Variants in QPCT observed in about 807,000 individuals in gnomAD.
The protein encoded by QPCT is glutaminyl-peptide cyclotransferase, also known as EC.
A neutral mutation model predicts 43.4 loss-of-function variants in QPCT; 44 were observed. That is an observed-to-expected ratio of 1.01 (90% CI 0.80 to 1.30). The LOEUF (loss-of-function observed/expected upper bound fraction) is 1.30, where lower values mean the gene tolerates loss of function less well. Ranked by LOEUF, QPCT falls within the 50% of genes most tolerant of loss-of-function variation. QPCT has a pLI of 0.00. For missense variants in QPCT, 526 were observed against 436.5 expected (o/e 1.21, Z -1.83); for synonymous variants, 168 against 168.4 (o/e 1.00, Z 0.02).
At chr2:37,351,514 G>C (rs1334971049) in intron 1 of QPCT, among the ~76,000 whole-genome samples, 4 of 152,188 alleles carry the variant, frequency 2.6e-5, no homozygotes, top group Non-Finnish European at 2.9e-5. Context: ...CTACTATTTA[G>C]TTGGCTATAG....
In QPCT at chr2:37,352,753, A is replaced by G. The variant is rs1391232543; in HGVS notation, c.121-36A>G. ...GTCAGAGTCTTAAACATGTTATGAA[A>G]GGATAGCTAGTTAAATGATTTCATT... On this transcript the variant is annotated intron_variant, in intron 1 of 6. Coordinates refer to ENST00000338415, the MANE Select transcript of QPCT (RefSeq NM_012413.4). The G allele has an allele frequency of 5.6e-6, 9 of 1,605,212 alleles. No homozygotes were observed. The South Asian group carries it at 9.9e-5, about 18-fold the overall frequency.
intron 1 of QPCT, among the ~76,000 whole-genome samples, chr2:37,347,211 TATATAAC>T (rs1480055917): frequency 5.4e-5 from 5 of 93,430 alleles, no homozygotes; most frequent in African/African-American, 1.9e-4. Flanking sequence ...ATATAACATA[TATATAAC>T]ATATATATAT....
Position 37,372,896 on chromosome 2 carries a change from A to G in QPCT, c.*69A>G. 1 of 1,382,914 alleles carries G rather than the reference A, an allele frequency of 7.2e-7. No homozygotes were observed. Among genetic ancestry groups the G allele is most frequent in the Non-Finnish European group, 9.9e-7 (1 of 1,012,424 alleles). 85.7% of individuals were successfully genotyped at this position (1,382,914 alleles called of 1,614,324 possible). On this transcript the variant is annotated 3_prime_UTR_variant, in exon 7 of 7. Transcript: ENST00000338415. ...AAAAGTCAAGGCATCATTTAAAATA[A>G]TCTGATTTCAGACAAATGCTGTGTG...
intron 4 of QPCT, among the ~76,000 whole-genome samples, chr2:37,367,634 G>A (rs1672987955): frequency 6.6e-6 from 1 of 152,188 alleles, no homozygotes; most frequent in Admixed American, 6.5e-5. Flanking sequence ...CATTTTGGGA[G>A]GTTGAGGTGG....
chr2:37,347,144 T>TTTTATATATATATATA lies in QPCT; in HGVS notation c.120+2294_120+2295insTTATATATATATATAT, dbSNP rs1389307350. Among the ~76,000 whole-genome samples the TTTTATATATATATATA allele has an allele frequency of 1.6e-4, 9 of 55,326 alleles. 1 individual carries two copies. The South Asian group carries it at 1.8e-3, about 11-fold the overall frequency. 36.3% of individuals were successfully genotyped at this position (55,326 alleles called of 152,430 possible). ...CATTGGCATCTGGGTATGGGGTGTT[T>TTTTATATATATATATA]TATATATATATATATATATAACATA... is the stretch of plus-strand genomic sequence containing the variant. On this transcript the variant is annotated intron_variant, in intron 1 of 6. Transcript: ENST00000338415.
At chr2:37,353,020 T>C in intron 2 of QPCT, 85 bp downstream of exon 2, 1 of 1,450,556 alleles carries the variant, frequency 6.9e-7, no homozygotes, top group Non-Finnish European at 9.2e-7. Flanking sequence ...AGTTCTGAGG[T>C]GTCTAATATT....
rs1423290793 is a variant in QPCT at position 37,344,708 on chromosome 2, C to G, written c.-24C>G. The G allele has an allele frequency of 2.5e-6, 4 of 1,587,014 alleles. No individual in the cohort carries two copies. The African/African-American group carries it at 5.4e-5, about 22-fold the overall frequency. ...CGTGACCGCCAGCGGCCCGGGGAAC[C>G]CGCTCCCAGACAGACTCGGAGAGAT... On this transcript the variant is annotated 5_prime_UTR_variant, in exon 1 of 7. Transcript: ENST00000338415.
chr2:37,359,938 A>G (rs1309240664), intron 3 of QPCT, 80 bp downstream of exon 3: 2 of 1,403,492 alleles, frequency 1.4e-6, no homozygotes, highest in Non-Finnish European at 2.0e-6. Flanking sequence ...TCCTTGGAGG[A>G]ATGAGAAGGC....
chr2:37,359,923 TA>T, intron 3 of QPCT, 65 bp downstream of exon 3: 1 of 1,512,514 alleles, frequency 6.6e-7, no homozygotes, highest in Non-Finnish European at 9.0e-7. Flanking sequence ...GAGTGAATTC[TA>T]GAATCCTTGG....
chr2:37,350,073 C>T (rs1672586182), intron 1 of QPCT, among the ~76,000 whole-genome samples: 1 of 152,086 alleles, frequency 6.6e-6, no homozygotes, highest in South Asian at 2.1e-4. Flanking sequence ...CAAGTAAACA[C>T]ACAAAGAAGT....
At chr2:37,366,743 G>A (rs970014983) in intron 3 of QPCT, among the ~76,000 whole-genome samples, 2 of 152,182 alleles carry the variant, frequency 1.3e-5, no homozygotes, top group Admixed American at 6.5e-5. Flanking sequence ...GTTCAACAAC[G>A]GCCTCAGCCA....
rs898313357 is a variant in QPCT at position 37,359,664 on chromosome 2, C to T, written c.352C>T (p.Arg118Trp). The change falls in exon 3 of 7, where the codon CGG (arginine) becomes TGG (tryptophan). Residue 118 changes from arginine to tryptophan, a missense_variant. Coordinates refer to ENST00000338415, the MANE Select transcript of QPCT (RefSeq NM_012413.4). ...TFLSQTPYGY[R>W]SFSNIISTLN... ...CTTGAGTCAGACACCCTATGGGTAC[C>T]GGTCTTTCTCAAATATCATCAGCAC... 1.1e-5 allele frequency: 18 copies of T among 1,613,890 alleles called. No homozygotes were observed. Among genetic ancestry groups the T allele is most frequent in the East Asian group, 6.7e-5 (3 of 44,892 alleles).
At chr2:37,367,528 T>A in intron 4 of QPCT, 120 bp downstream of exon 4, 1 of 1,019,032 alleles carries the variant, frequency 9.8e-7, no homozygotes, top group Non-Finnish European at 1.4e-6. Flanking sequence ...GTGTTTATGA[T>A]AGAACATTCC....
In QPCT at chr2:37,367,307, TCTC is replaced by T. The variant is rs768657721; in HGVS notation, c.626_628del (p.Pro209del). 5.6e-6 allele frequency: 9 copies of T among 1,613,962 alleles called. No individual in the cohort carries two copies. The highest frequency in any genetic ancestry group is 1.6e-4 in the Middle Eastern group (1 of 6,084). On this transcript the variant is annotated inframe_deletion, in exon 4 of 7. Transcript: ENST00000338415. ...TGGTGAAGAGGCTTTTCTTCACTGGTCTCCTCAAGATTCTCTCTATGGGTCTCG... is the reference window on the plus strand; with the variant it reads ...TGGTGAAGAGGCTTTTCTTCACTGGTCTCAAGATTCTCTCTATGGGTCTCG...
At chr2:37,370,967 G>A (rs529301125) in intron 5 of QPCT, among the ~76,000 whole-genome samples, 28 of 152,246 alleles carry the variant, frequency 1.8e-4, no homozygotes, top group Non-Finnish European at 3.7e-4. Flanking sequence ...AAACTTCTTG[G>A]AGCAAGATAG....
intron 2 of QPCT, among the ~76,000 whole-genome samples, chr2:37,353,346 C>G (rs537150003): frequency 4.6e-5 from 7 of 152,226 alleles, no homozygotes; most frequent in African/African-American, 1.4e-4. Context: ...TGTATTTTCC[C>G]TGGAGGGAGA....
At chr2:37,356,654 C>G (rs2058718) in intron 2 of QPCT, among the ~76,000 whole-genome samples, 19,041 of 152,084 alleles carry the variant, frequency 0.13, 3,652 homozygotes, top group African/African-American at 0.41. Flanking sequence ...CCAATTTGAT[C>G]GTTTATAAAG....
intron 3 of QPCT, among the ~76,000 whole-genome samples, chr2:37,363,249 C>T (rs1672889244): frequency 6.6e-6 from 1 of 152,164 alleles, no homozygotes; most frequent in African/African-American, 2.4e-5. Flanking sequence ...CAATCTGTGT[C>T]TCCAACCAGC....
At chr2:37,371,817 C>T (rs1306961173) in intron 5 of QPCT, among the ~76,000 whole-genome samples, 1 of 152,190 alleles carries the variant, frequency 6.6e-6, no homozygotes, top group African/African-American at 2.4e-5. Flanking sequence ...ATTTGCATTT[C>T]TGACACGTTC....
Sources: allele counts gnomAD v4.1 joint callset (sites outside exome capture counted in the v4.1 genomes callset), GRCh38; gene constraint gnomAD v4.1.1; transcripts MANE v1.5; gene names NCBI Gene and HGNC (gene_info 2026-07-23, HGNC 2026-07-21).